Variants in ANK2 observed in about 807,000 individuals in gnomAD.
ANK2 encodes the protein ankyrin-2.
ANK2 carries 83 observed loss-of-function variants against 360.5 expected under a neutral mutation model. The ratio of observed to expected loss-of-function variants is 0.23; its 90% CI spans 0.19 to 0.28. The LOEUF (loss-of-function observed/expected upper bound fraction) is 0.28, where lower values mean the gene tolerates loss of function less well. ANK2 is among the 10% of genes least tolerant of loss of function. ANK2 has a pLI of 1.00. For synonymous variants in ANK2, 1,740 were observed against 1,759.5 expected, an observed-to-expected ratio of 0.99 and a Z score of 0.28; for missense variants, 4,201 against 4,795.7, an observed-to-expected ratio of 0.88 and a Z score of 3.66.
chr4:112,833,769 C>T (rs913808459), intron 1 of ANK2, among the ~76,000 whole-genome samples: 2 of 152,320 alleles, frequency 1.3e-5, no homozygotes, highest in Admixed American at 6.5e-5. Flanking sequence ...TTCCAAAGTG[C>T]TGGGATTACA....
At chr4:112,880,209 A>T (rs914014187) in intron 1 of ANK2, 12 of 152,176 alleles carry the variant, frequency 7.9e-5, no homozygotes, top group African/African-American at 1.2e-4. Context: ...GAATGAACAC[A>T]TCTTTTATGC....
At chr4:113,026,188 G>T (rs1465967157) in intron 2 of ANK2, among the ~76,000 whole-genome samples, 1 of 152,250 alleles carries the variant, frequency 6.6e-6, no homozygotes, top group Non-Finnish European at 1.5e-5. Context: ...AAGGACCGCT[G>T]CAATTTAGTT....
rs1041575071 is a variant in ANK2, at chr4:113,145,934, G to T, written c.85-28482G>T. ...AGAGCATAAGAGCACAAGGAAACAT[G>T]CAGGAACTGGATAAAACCCCAGACT... On this transcript the variant is annotated intron_variant, in intron 1 of 45. Coordinates refer to ENST00000357077, the MANE Select transcript of ANK2 (RefSeq NM_001148.6). 2.3e-6 allele frequency: 3 copies of T among 1,289,848 alleles called. No homozygotes were observed. The Admixed American group carries it at 6.9e-5, about 30-fold the overall frequency. The allele number at this position is 1,289,848 out of a possible 1,614,324, so 79.9% of individuals were successfully genotyped here.
chr4:113,367,626 C>T lies in ANK2; in HGVS notation c.11093C>T (p.Ala3698Val), dbSNP rs2096585132. 6.2e-7 allele frequency: 1 copy of T among 1,613,690 alleles called. No individual in the cohort carries two copies. The highest frequency in any genetic ancestry group is 1.7e-5 in the Admixed American group (1 of 59,960). Reference sequence around the variant, plus strand: ...CAGCACAAGCAGAAAGAGGAGCAAGCTGTTTCTAAAGAAAGTGAGACCTGC... The same window carrying T: ...CAGCACAAGCAGAAAGAGGAGCAAGTTGTTTCTAAAGAAAGTGAGACCTGC... ...TAQHKQKEEQ[A>V]VSKESETCDH... Residue 3698 changes from alanine (A) to valine (V), a missense_variant, in exon 42 of 46, where the codon GCT becomes GTT. By Grantham distance (64) the Ala-to-Val change is moderately conservative (BLOSUM62 0). Transcript: ENST00000357077.
chr4:113,163,232 C>G (rs2097601615), intron 1 of ANK2, among the ~76,000 whole-genome samples: 1 of 152,022 alleles, frequency 6.6e-6, no homozygotes, highest in South Asian at 2.1e-4. Context: ...ATATATCTTT[C>G]AGTATAATGT....
chr4:113,315,791 C>T (rs558311219), intron 24 of ANK2, among the ~76,000 whole-genome samples: 3 of 147,160 alleles, frequency 2.0e-5, no homozygotes, highest in Non-Finnish European at 3.0e-5. Flanking sequence ...CCCAGCTACT[C>T]GGGAGGCTGA....
At chr4:112,858,465 G>A (rs991724108) in intron 1 of ANK2, among the ~76,000 whole-genome samples, 1 of 152,084 alleles carries the variant, frequency 6.6e-6, no homozygotes, top group Admixed American at 6.5e-5. Context: ...AGAGAGTTAA[G>A]GTATCTGTAG....
chr4:113,217,640 A>C (rs1200511361), intron 4 of ANK2, among the ~76,000 whole-genome samples: 1 of 152,058 alleles, frequency 6.6e-6, no homozygotes, highest in Non-Finnish European at 1.5e-5. Flanking sequence ...GGGTTCGTGC[A>C]CCTGTGAGAA....
intron 1 of ANK2, among the ~76,000 whole-genome samples, chr4:113,091,803 T>C (rs1200878374): frequency 6.6e-6 from 1 of 152,234 alleles, no homozygotes; most frequent in Non-Finnish European, 1.5e-5. Context: ...AGTCTTGTTT[T>C]ATAGATTAAG....
intron 2 of ANK2, among the ~76,000 whole-genome samples, chr4:112,980,863 G>A (rs1438900706): frequency 1.3e-5 from 2 of 152,210 alleles, no homozygotes. Context: ...AGAAGCAAGC[G>A]TGTGTTTCAT....
chr4:112,819,715 T>C (rs2056437794), intron 1 of ANK2, among the ~76,000 whole-genome samples: 1 of 152,164 alleles, frequency 6.6e-6, no homozygotes, highest in Non-Finnish European at 1.5e-5. Flanking sequence ...GTACAAGCCA[T>C]ATAAAATGAA....
chr4:112,877,409 G>C (rs1482657097), intron 1 of ANK2, among the ~76,000 whole-genome samples: 1 of 152,114 alleles, frequency 6.6e-6, no homozygotes, highest in African/African-American at 2.4e-5. Flanking sequence ...GAGTGCTGTG[G>C]TATGATTATA....
upstream of ANK2, among the ~76,000 whole-genome samples, chr4:112,813,221 G>T (rs557469611): frequency 1.5e-5 from 2 of 136,994 alleles, no homozygotes; most frequent in Admixed American, 8.1e-5. Context: ...CTGGGCAACA[G>T]AGTGAGACTC....
At chr4:113,232,628 T>A (rs2099322877) in intron 5 of ANK2, among the ~76,000 whole-genome samples, 1 of 151,638 alleles carries the variant, frequency 6.6e-6, no homozygotes, top group South Asian at 2.1e-4. Flanking sequence ...AAAGGAACAA[T>A]TTTTTTTACC....
the ANK2 span, among the ~76,000 whole-genome samples, chr4:112,720,614 G>C: frequency 6.6e-6 from 1 of 152,100 alleles, no homozygotes; most frequent in African/African-American, 2.4e-5. Flanking sequence ...ATTGAGTGTA[G>C]AACAATGCCT....
chr4:112,746,490 CGAGT>C, the ANK2 span, among the ~76,000 whole-genome samples: 1 of 133,912 alleles, frequency 7.5e-6, no homozygotes, highest in Admixed American at 8.5e-5. Flanking sequence ...CTTGGGCAAC[CGAGT>C]GAGATGCTGT....
chr4:112,960,384 A>G (rs1447970301), intron 2 of ANK2, among the ~76,000 whole-genome samples: 7 of 152,018 alleles, frequency 4.6e-5, no homozygotes, highest in Non-Finnish European at 8.8e-5. Flanking sequence ...CCTAATTTCC[A>G]AAGCCACTCA....
intron 34 of ANK2, 69 bp from the exon 35 acceptor site, chr4:113,345,831 G>A (rs947283486): frequency 4.3e-5 from 68 of 1,587,852 alleles, no homozygotes; most frequent in African/African-American, 9.4e-5. Flanking sequence ...TCCCTTTCAA[G>A]CATCATCTAG....
rs564909208 is a variant in ANK2, at chr4:112,882,199, C to G, written c.-39-22256C>G. ...AGCGGTATCCACGGGCAGAAAGCAG[C>G]CCTTGATTTTTTTTTAATAGTCTTG... On this transcript the variant is annotated intron_variant, in intron 1 of 30. Coordinates refer to the ANK2 transcript ENST00000503271. 20 of 176,144 alleles carry G rather than the reference C, an allele frequency of 1.1e-4. No homozygotes were observed. In the South Asian group the frequency reaches 3.1e-3, roughly 27 times the overall value. 10.9% of individuals were successfully genotyped at this position (176,144 alleles called of 1,614,324 possible).
Sources: gnomAD v4.1 joint callset for allele counts (sites outside exome capture counted in the v4.1 genomes callset) on GRCh38, gnomAD v4.1.1 for gene constraint, MANE v1.5 for transcripts, NCBI Gene and HGNC (gene_info 2026-07-23, HGNC 2026-07-21) for gene names.